HP1BP3: variants seen among roughly 807,000 people sequenced by gnomAD.
HP1BP3 encodes the protein heterochromatin protein 1-binding protein 3.
HP1BP3 carries 12 observed loss-of-function variants against 62.5 expected under a neutral mutation model. The observed-to-expected ratio is 0.19, with a 90% CI of 0.12 to 0.31. HP1BP3 has a LOEUF of 0.31. Among genes scored for constraint, HP1BP3 ranks in the 10% least tolerant of loss-of-function variants. The pLI, the probability that HP1BP3 is intolerant of heterozygous loss-of-function variation, is 1.00. For missense variants in HP1BP3, 502 were observed against 651.8 expected (o/e 0.77, Z 2.50); for synonymous variants, 260 against 237.8 (o/e 1.09, Z -0.86).
chr1:20,777,977 A>C (rs760928778), intron 3 of HP1BP3, among the ~76,000 whole-genome samples: 1 of 152,230 alleles, frequency 6.6e-6, no homozygotes, highest in Non-Finnish European at 1.5e-5. Context: ...GTTTTCCACA[A>C]TAAAATGTAT....
At position 20,745,108 on chromosome 1, in the gene HP1BP3, G is replaced by C; in HGVS notation, c.1368-17C>G. 13 of 1,589,638 alleles carry C rather than the reference G, an allele frequency of 8.2e-6. No homozygotes were observed. Among genetic ancestry groups the C allele is most frequent in the Non-Finnish European group, 1.1e-5 (13 of 1,171,634 alleles). ...TTCTGCAACCTGTGAGAACCAAAGAGCAAAGGCCGTCATTTAGTACTTAAG... is the reference window on the plus strand; with the variant it reads ...TTCTGCAACCTGTGAGAACCAAAGACCAAAGGCCGTCATTTAGTACTTAAG... On this transcript the variant is annotated splice_polypyrimidine_tract_variant and intron_variant, in intron 12 of 12. Transcript: ENST00000438032.
At chr1:20,751,079 C>T (rs1460482336) in intron 9 of HP1BP3, among the ~76,000 whole-genome samples, 3 of 151,964 alleles carry the variant, frequency 2.0e-5, no homozygotes, top group South Asian at 4.1e-4. Context: ...GGCCTCCTGA[C>T]GTGCTGGGAT....
intron 7 of HP1BP3, among the ~76,000 whole-genome samples, chr1:20,765,835 G>A (rs1028440101): frequency 2.0e-4 from 31 of 151,614 alleles, no homozygotes; most frequent in African/African-American, 7.0e-4. Context: ...GCCAGACGTC[G>A]TAGCCTGTAA....
rs1013374226 is a variant in HP1BP3 at position 20,770,648 on chromosome 1, C to T, written c.654+282G>A. ...GCTGTTTCAGTAGTAGGATTCCTTA[C>T]CTCTTTTTCATGTTCAGTGCTACAT... On this transcript the variant is annotated intron_variant, in intron 6 of 12. Coordinates refer to ENST00000438032, the MANE Select transcript of HP1BP3 (RefSeq NM_001372052.1). Among the ~76,000 whole-genome samples, 6 of 152,102 alleles carry T rather than the reference C, an allele frequency of 3.9e-5. 1 individual carries two copies. The highest frequency in any genetic ancestry group is 3.3e-4 in the Admixed American group (5 of 15,258).
chr1:20,751,445 G>C lies in HP1BP3; in HGVS notation c.982-1563C>G, dbSNP rs182582193. ...ATTTTGATAAATATTTAGGGTATCA[G>C]GGAGCACGGTAGTTCATATCTGTAA... On this transcript the variant is annotated intron_variant, in intron 9 of 12. Coordinates refer to ENST00000438032, the MANE Select transcript of HP1BP3 (RefSeq NM_001372052.1). 4.6e-5 allele frequency among the ~76,000 whole-genome samples: 7 copies of C among 152,160 alleles called. No homozygotes were observed. The East Asian group carries it at 1.4e-3, about 29-fold the overall frequency.
chr1:20,785,441 G>A (rs1378593636), intron 1 of HP1BP3, among the ~76,000 whole-genome samples: 1 of 152,150 alleles, frequency 6.6e-6, no homozygotes, highest in Non-Finnish European at 1.5e-5. Flanking sequence ...GTGATGCGCT[G>A]AACACCTCAC....
At chr1:20,751,764 C>T (rs941469562) in intron 9 of HP1BP3, among the ~76,000 whole-genome samples, 3 of 147,870 alleles carry the variant, frequency 2.0e-5, no homozygotes, top group Non-Finnish European at 4.5e-5. Context: ...AAGTATCATA[C>T]AAAAGAAAAT....
rs542474663 is a variant in HP1BP3, at chr1:20,745,213, A to G, written c.1368-122T>C. 7.0e-6 allele frequency: 8 copies of G among 1,136,104 alleles called. No individual in the cohort carries two copies. The South Asian group carries it at 1.2e-4, about 17-fold the overall frequency. 70.4% of individuals were successfully genotyped at this position (1,136,104 alleles called of 1,614,324 possible). A position where few individuals can be genotyped will look rare whatever the true frequency, so the allele number is the denominator to read the frequency against. On this transcript the variant is annotated intron_variant, in intron 12 of 12. Coordinates refer to ENST00000438032, the MANE Select transcript of HP1BP3 (RefSeq NM_001372052.1). ...GTGGTCACTTACGTTAAGAATAGGA[A>G]TGTGACAATTTTTTACTAGAGATTT...
chr1:20,763,310 T>G (rs1238173988), intron 8 of HP1BP3, among the ~76,000 whole-genome samples: 7 of 152,226 alleles, frequency 4.6e-5, no homozygotes, highest in African/African-American at 7.2e-5. Flanking sequence ...GATCCACAAT[T>G]GTGTCTGCCT....
At chr1:20,782,924 AAAAG>A (rs1486767652) in intron 1 of HP1BP3, among the ~76,000 whole-genome samples, 4 of 150,342 alleles carry the variant, frequency 2.7e-5, no homozygotes, top group African/African-American at 9.8e-5. Context: ...AAAAAAAAAA[AAAAG>A]AAAGAAAAAA....
At chr1:20,786,953 G>C (rs1033781420) in intron 1 of HP1BP3, among the ~76,000 whole-genome samples, 3 of 151,934 alleles carry the variant, frequency 2.0e-5, no homozygotes, top group East Asian at 1.9e-4. Flanking sequence ...GCGCGCGCCG[G>C]AGGGCCCCTG....
At chr1:20,776,776 C>T in intron 3 of HP1BP3, 26 bp from the exon 4 acceptor site, 1 of 1,598,848 alleles carries the variant, frequency 6.3e-7, no homozygotes, top group Non-Finnish European at 8.5e-7. Flanking sequence ...AGCAGAATTG[C>T]ATAAGCAGAT....
intron 8 of HP1BP3, 122 bp from the exon 9 acceptor site, chr1:20,757,378 T>TA: frequency 3.6e-6 from 1 of 279,780 alleles, no homozygotes; most frequent in Non-Finnish European, 6.0e-6. Flanking sequence ...TATTATTTTT[T>TA]TTTTTTTTTT....
At chr1:20,786,855 C>CGACGCAGGCGCGCTGG (rs1553166328) in intron 1 of HP1BP3, among the ~76,000 whole-genome samples, 162 of 152,236 alleles carry the variant, frequency 1.1e-3, no homozygotes, top group African/African-American at 3.5e-3. Context: ...CAGAGGACGC[C>CGACGCAGGCGCGCTGG]GACGCAGGCG....
At chr1:20,770,088 A>C (rs1206063393) in intron 6 of HP1BP3, among the ~76,000 whole-genome samples, 1 of 152,190 alleles carries the variant, frequency 6.6e-6, no homozygotes, top group Non-Finnish European at 1.5e-5. Context: ...CTATGGTTCT[A>C]AGTTTCCATG....
At chr1:20,759,349 G>A (rs1420186471) in intron 8 of HP1BP3, among the ~76,000 whole-genome samples, 1 of 152,210 alleles carries the variant, frequency 6.6e-6, no homozygotes, top group Admixed American at 6.5e-5. Context: ...GTTGCGGTGA[G>A]CCAAGATCGT....
chr1:20,783,769 CAAAAAAAAAAAAA>C (rs1164930528), intron 1 of HP1BP3, among the ~76,000 whole-genome samples: 8 of 53,136 alleles, frequency 1.5e-4, no homozygotes, highest in African/African-American at 5.1e-4. Context: ...GACTCTGTCT[CAAAAAAAAAAAAA>C]AAAAAAAAAA....
intron 9 of HP1BP3, among the ~76,000 whole-genome samples, chr1:20,755,556 C>CA (rs1212470861): frequency 6.6e-6 from 1 of 152,110 alleles, no homozygotes; most frequent in Non-Finnish European, 1.5e-5. Flanking sequence ...GCCTGGGTGA[C>CA]AGAGTGAGAC....
intron 2 of HP1BP3, 53 bp downstream of exon 2, chr1:20,780,292 C>G: frequency 7.6e-7 from 1 of 1,310,856 alleles, no homozygotes; most frequent in Non-Finnish European, 1.1e-6. Context: ...CCAGCAGGGC[C>G]TGAAGTCAGG....
Sources: gnomAD v4.1 joint callset for allele counts (sites outside exome capture counted in the v4.1 genomes callset) on GRCh38, gnomAD v4.1.1 for gene constraint, MANE v1.5 for transcripts, NCBI Gene and HGNC (gene_info 2026-07-23, HGNC 2026-07-21) for gene names.